The following ERAP1 variants were observed in gnomAD, a reference collection of about 807,000 sequenced individuals.
The protein encoded by ERAP1 is endoplasmic reticulum aminopeptidase 1, also known as adipocyte-derived leucine aminopeptidase.
ERAP1 carries 86 observed loss-of-function variants against 103.7 expected under a neutral mutation model. That is an observed-to-expected ratio of 0.83 (90% CI 0.70 to 0.99). The LOEUF (loss-of-function observed/expected upper bound fraction) is 0.99. Ranked by LOEUF, ERAP1 falls within the 50% of genes least tolerant of loss-of-function variation. The pLI is 0.00. For synonymous variants in ERAP1, 398 were observed against 402.4 expected, an observed-to-expected ratio of 0.99 and a Z score of 0.13; for missense variants, 1,009 against 1,128.4, an observed-to-expected ratio of 0.89 and a Z score of 1.52.
At position 96,783,227 on chromosome 5, in the gene ERAP1, G is replaced by C. The variant is rs1775476209; in HGVS notation, c.2109C>G (p.Leu703=). Residue 703 remains leucine, a synonymous_variant, in exon 15 of 19, where the codon CTC becomes CTG. Coordinates refer to ENST00000443439, the MANE Select transcript of ERAP1 (RefSeq NM_001040458.3). ...NEVETQFKAF[L]IRLLRDLIDK... Reference sequence around the variant, plus strand: ...CAATGAGGTCCCTTAGCAGCCTGATGAGGAAGGCCTGAGGGCGTTGTACAG... The same window carrying C: ...CAATGAGGTCCCTTAGCAGCCTGATCAGGAAGGCCTGAGGGCGTTGTACAG... 6.2e-7 allele frequency: 1 copy of C among 1,611,070 alleles called. No homozygotes were observed. Among genetic ancestry groups the C allele is most frequent in the African/African-American group, 1.3e-5 (1 of 74,896 alleles).
At chr5:96,901,697 CT>C in the ERAP1 span, 1 of 1,612,006 alleles carries the variant, frequency 6.2e-7, no homozygotes, top group Non-Finnish European at 8.5e-7. Flanking sequence ...TGCTTTTCTT[CT>C]TTAGGTCTAG....
intron 18 of ERAP1, 106 bp from the exon 19 acceptor site, chr5:96,776,657 A>T (rs1774356611): frequency 1.3e-6 from 2 of 1,497,788 alleles, no homozygotes. Context: ...AAAATTCTAT[A>T]TAGAAGGCAG....
chr5:96,860,167 C>G, the ERAP1 span, among the ~76,000 whole-genome samples: 2 of 152,124 alleles, frequency 1.3e-5, no homozygotes, highest in African/African-American at 4.8e-5. Context: ...AATTCTTCTG[C>G]CTCAGCCTCC....
intron 3 of ERAP1, among the ~76,000 whole-genome samples, chr5:96,798,591 T>TTC (rs879797287): frequency 1.3e-5 from 2 of 151,722 alleles, no homozygotes; most frequent in African/African-American, 2.4e-5. Context: ...CTTTTTTTTT[T>TTC]GTTTTGAGAG....
the ERAP1 span, among the ~76,000 whole-genome samples, chr5:96,932,783 C>T: frequency 6.6e-6 from 1 of 152,086 alleles, no homozygotes; most frequent in East Asian, 1.9e-4. Context: ...ATTTGTTTTT[C>T]AGGGTGCTTA....
chr5:96,786,791 T>G, intron 11 of ERAP1: 1 of 470,818 alleles, frequency 2.1e-6, no homozygotes, highest in East Asian at 3.9e-5. Context: ...ACGTGAACCC[T>G]GAAAGCCTTT....
At chr5:96,897,139 A>G in the ERAP1 span, among the ~76,000 whole-genome samples, 1 of 152,168 alleles carries the variant, frequency 6.6e-6, no homozygotes, top group Non-Finnish European at 1.5e-5. Context: ...TTGATCTAAA[A>G]TCTTTAAAAT....
At chr5:96,815,793 A>G in the ERAP1 span, among the ~76,000 whole-genome samples, 2 of 152,208 alleles carry the variant, frequency 1.3e-5, no homozygotes, top group Non-Finnish European at 2.9e-5. Flanking sequence ...GCAAAAAAAT[A>G]CATCACAATG....
the ERAP1 span, among the ~76,000 whole-genome samples, chr5:96,927,640 C>G: frequency 6.6e-6 from 1 of 152,128 alleles, no homozygotes; most frequent in African/African-American, 2.4e-5. Context: ...GCGCCCGCCA[C>G]CGCGCCTGGC....
rs201883418 is a variant in ERAP1 at position 96,795,210 on chromosome 5, T to C, written c.799-48A>G. On this transcript the variant is annotated intron_variant, in intron 4 of 18. Transcript: ENST00000443439. ...GAATTCAAATATCTTAACTGGCTTC[T>C]CTCCCCACATTGTGTAGAAGACTGA... The C allele has an allele frequency of 4.8e-5, 77 of 1,607,628 alleles. 1 individual carries two copies. In the East Asian group the frequency reaches 7.8e-4, roughly 16 times the overall value.
At chr5:96,916,239 A>G in the ERAP1 span, among the ~76,000 whole-genome samples, 3 of 116,222 alleles carry the variant, frequency 2.6e-5, no homozygotes, top group African/African-American at 9.3e-5. Flanking sequence ...AAAAAACAAA[A>G]ACAAAAACAA....
chr5:96,848,157 T>C, the ERAP1 span, among the ~76,000 whole-genome samples: 1 of 152,178 alleles, frequency 6.6e-6, no homozygotes, highest in Non-Finnish European at 1.5e-5. Flanking sequence ...CAAGTGATTC[T>C]CCTGCCTCAG....
At chr5:96,892,306 T>C in the ERAP1 span, 1 of 1,613,706 alleles carries the variant, frequency 6.2e-7, no homozygotes, top group Non-Finnish European at 8.5e-7. Flanking sequence ...TAGATTTAAT[T>C]GCTATTCCTG....
chr5:96,819,905 T>C, the ERAP1 span, among the ~76,000 whole-genome samples: 35,360 of 152,142 alleles, frequency 0.23, 4,184 homozygotes, highest in East Asian at 0.28. Flanking sequence ...TTTTGACTAT[T>C]TGGGTGTGAC....
In ERAP1 at chr5:96,793,803, C is replaced by G. The variant is rs201397000; in HGVS notation, c.1074G>C (p.Gln358His). The change falls in exon 6 of 19, where the codon CAG (glutamine) becomes CAC (histidine). Residue 358 changes from glutamine to histidine, a missense_variant and splice_region_variant. Gln to His is a conservative substitution (Grantham distance 24). This residue lies in a region of ERAP1 where 392 missense variants were observed against 455.2 expected (regional missense o/e 0.86). Transcript: ENST00000443439. ...ATTAAAAGTGTGAATGAGCTTATACCTGGTGAGCCAGTTCATGGGCCACAG... is the reference window on the plus strand; with the variant it reads ...ATTAAAAGTGTGAATGAGCTTATACGTGGTGAGCCAGTTCATGGGCCACAG... ...TMTVAHELAH[Q>H]WFGNLVTMEW... The G allele has an allele frequency of 6.2e-7, 1 of 1,612,728 alleles. No homozygotes were observed. Among genetic ancestry groups the G allele is most frequent in the Non-Finnish European group, 8.5e-7 (1 of 1,178,958 alleles).
chr5:96,811,227 TA>T (rs1175209037), upstream of ERAP1, among the ~76,000 whole-genome samples: 1 of 152,204 alleles, frequency 6.6e-6, no homozygotes, highest in Non-Finnish European at 1.5e-5. Flanking sequence ...ATCTTATTAA[TA>T]ATCAGAAACA....
intron 10 of ERAP1, among the ~76,000 whole-genome samples, chr5:96,789,463 G>A (rs1238038139): frequency 6.6e-6 from 1 of 150,966 alleles, no homozygotes; most frequent in Non-Finnish European, 1.5e-5. Context: ...CTCCAGCCTG[G>A]GCAACAGAGT....
the ERAP1 span, among the ~76,000 whole-genome samples, chr5:96,840,946 C>T: frequency 1.3e-5 from 2 of 152,122 alleles, no homozygotes; most frequent in East Asian, 3.9e-4. Context: ...CCTCGTGATC[C>T]GCCTGCCTCA....
the ERAP1 span, among the ~76,000 whole-genome samples, chr5:96,864,059 G>T: frequency 6.6e-6 from 1 of 151,896 alleles, no homozygotes; most frequent in East Asian, 1.9e-4. Flanking sequence ...TCTAAAGGTG[G>T]GTACATTCAT....
Sources: gnomAD v4.1 joint callset for allele counts (sites outside exome capture counted in the v4.1 genomes callset) on GRCh38, gnomAD v4.1.1 for gene constraint, gnomAD v4.1.1 regional missense constraint, MANE v1.5 for transcripts, NCBI Gene and HGNC (gene_info 2026-07-23, HGNC 2026-07-21) for gene names.